The following NRK variants were observed in gnomAD, a reference collection of about 807,000 sequenced individuals.
The protein encoded by NRK is Nik related kinase.
Under a neutral mutation model 125.2 loss-of-function variants are expected in NRK, and 67 were observed. The ratio of observed to expected loss-of-function variants is 0.54; its 90% CI spans 0.44 to 0.66. The LOEUF is 0.66. NRK is among the 30% of genes least tolerant of loss of function. The pLI is 0.00. For missense variants in NRK, 1,224 were observed against 1,192.9 expected (o/e 1.03, Z -0.38); for synonymous variants, 458 against 429.0 (o/e 1.07, Z -0.84).
intron 7 of NRK, 29 bp from the exon 8 acceptor site, chrX:105,898,555 T>C (rs1214302495): frequency 4.3e-6 from 5 of 1,175,122 alleles, no homozygotes; most frequent in Non-Finnish European, 5.7e-6. Flanking sequence ...TCCTGATTGA[T>C]TATTTTGACA....
chrX:105,886,540 G>A (rs1047355560), intron 4 of NRK, among the ~76,000 whole-genome samples: 58 of 102,895 alleles, frequency 5.6e-4, no homozygotes, highest in Non-Finnish European at 1.1e-3. Flanking sequence ...GTGTGTATGT[G>A]TGTGTGTGTG....
chrX:105,851,790 A>G (rs962254711), intron 2 of NRK, among the ~76,000 whole-genome samples: 4 of 111,183 alleles, frequency 3.6e-5, no homozygotes, highest in African/African-American at 3.3e-5. Context: ...CACTTCTGCC[A>G]GAGGTTATCC....
intron 28 of NRK, among the ~76,000 whole-genome samples, 170 bp from the exon 29 acceptor site, chrX:105,955,335 A>C (rs2040961558): frequency 8.9e-6 from 1 of 112,336 alleles, no homozygotes; most frequent in Admixed American, 9.5e-5. Context: ...TGTATAAATT[A>C]GACTTCAAAC....
chrX:105,863,871 G>A (rs2039635345), intron 2 of NRK, among the ~76,000 whole-genome samples: 1 of 111,909 alleles, frequency 8.9e-6, no homozygotes, highest in Non-Finnish European at 1.9e-5. Context: ...TATAAGCAAG[G>A]CTTATGCCAA....
chrX:105,928,517 A>G (rs1409351670), intron 19 of NRK, among the ~76,000 whole-genome samples: 1 of 109,310 alleles, frequency 9.1e-6, no homozygotes, highest in East Asian at 2.9e-4. Flanking sequence ...TTATCTCTTT[A>G]TTTCTATTAA....
chrX:105,921,305 G>T (rs1268231828), intron 16 of NRK, among the ~76,000 whole-genome samples: 1 of 99,942 alleles, frequency 1.0e-5, no homozygotes, highest in Non-Finnish European at 2.0e-5. Flanking sequence ...CACAGGAAGG[G>T]GAATATCACA....
chrX:105,896,811 C>T lies in NRK; in HGVS notation c.580+1288C>T, dbSNP rs768812660. Among the ~76,000 whole-genome samples, 228 of 111,848 alleles carry T rather than the reference C, an allele frequency of 2.0e-3. 1 individual carries two copies. In the Middle Eastern group the frequency reaches 0.027, roughly 13 times the overall value. ...TAAACTATGATTGTGCCACTGCACT[C>T]TAGCCTGGGTGGCAGAGAGATACCT... On this transcript the variant is annotated intron_variant, in intron 7 of 28. Coordinates refer to ENST00000243300, the MANE Select transcript of NRK (RefSeq NM_198465.4).
intron 12 of NRK, 136 bp from the exon 13 acceptor site, chrX:105,908,591 T>A: frequency 1.2e-6 from 1 of 817,626 alleles, no homozygotes; most frequent in Admixed American, 4.0e-5. Context: ...ATCAAGGGAA[T>A]GATTTCAGAA....
At chrX:105,861,736 A>G (rs917090751) in intron 2 of NRK, among the ~76,000 whole-genome samples, 2 of 112,246 alleles carry the variant, frequency 1.8e-5, no homozygotes, top group Middle Eastern at 4.6e-3. Flanking sequence ...TAATATTGTT[A>G]ATTGTGCTTA....
intron 2 of NRK, among the ~76,000 whole-genome samples, chrX:105,866,927 C>T (rs2039679864): frequency 9.1e-6 from 1 of 109,570 alleles, no homozygotes; most frequent in African/African-American, 3.3e-5. Flanking sequence ...TCTTTGGTAG[C>T]CCTAGATTTT....
intron 14 of NRK, among the ~76,000 whole-genome samples, chrX:105,913,449 T>G (rs1354992468): frequency 8.9e-6 from 1 of 112,163 alleles, no homozygotes; most frequent in Non-Finnish European, 1.9e-5. Context: ...TTTACATGTT[T>G]CATTATACAA....
Position 105,898,521 on chromosome X carries a change from G to A in NRK, c.581-63G>A, listed in dbSNP as rs752275776. 70 of 1,044,853 alleles carry A rather than the reference G, an allele frequency of 6.7e-5. No homozygotes were observed. In the African/African-American group the frequency reaches 1.3e-3, roughly 20 times the overall value. The allele number at this position is 1,044,853 out of a possible 1,213,427, so 86.1% of individuals were successfully genotyped here. A position where few individuals can be genotyped will look rare whatever the true frequency, so the allele number is the denominator to read the frequency against. ...TTTTGTATCAGCTTTCCAAGTTAAA[G>A]CAATAACTTATTAAGCTTTTTTCTC... On this transcript the variant is annotated intron_variant, in intron 7 of 28. Transcript: ENST00000243300.
intron 18 of NRK, 147 bp from the exon 19 acceptor site, chrX:105,924,548 A>G: frequency 1.3e-5 from 6 of 476,148 alleles, no homozygotes; most frequent in Non-Finnish European, 1.8e-5. Context: ...TATGTTCTTT[A>G]TCATACCAGT....
At chrX:105,930,951 A>G (rs768780828) in intron 19 of NRK, among the ~76,000 whole-genome samples, 2 of 112,132 alleles carry the variant, frequency 1.8e-5, no homozygotes, top group East Asian at 2.8e-4. Context: ...AAAAGTGCAC[A>G]TGCGGTGGGT....
At chrX:105,857,000 G>T (rs1046079846) in intron 2 of NRK, among the ~76,000 whole-genome samples, 25 of 111,078 alleles carry the variant, frequency 2.3e-4, no homozygotes, top group African/African-American at 7.5e-4. Flanking sequence ...GAGGTTCCTA[G>T]AACCTGTTAC....
intron 23 of NRK, among the ~76,000 whole-genome samples, chrX:105,941,765 T>C (rs1295382481): frequency 1.8e-5 from 2 of 111,602 alleles, no homozygotes; most frequent in African/African-American, 3.3e-5. Flanking sequence ...ATTGAAATAA[T>C]GTACATACCA....
At chrX:105,914,554 G>T (rs748344618) in intron 14 of NRK, among the ~76,000 whole-genome samples, 1 of 109,724 alleles carries the variant, frequency 9.1e-6, no homozygotes, top group Non-Finnish European at 1.9e-5. Flanking sequence ...ATTTTTGGCC[G>T]TTACCTATTT....
At chrX:105,938,360 G>GT (rs937238586) in intron 22 of NRK, among the ~76,000 whole-genome samples, 1 of 111,822 alleles carries the variant, frequency 8.9e-6, no homozygotes, top group African/African-American at 3.2e-5. Flanking sequence ...AAATTGCCAT[G>GT]TTGCACACTA....
chrX:105,936,435 A>C (rs12686868), intron 21 of NRK, among the ~76,000 whole-genome samples: 4 of 111,955 alleles, frequency 3.6e-5, no homozygotes, highest in African/African-American at 6.5e-5. Context: ...AAAATTGGCT[A>C]TACTTCTTCC....
Sources: gnomAD v4.1 joint callset for allele counts (sites outside exome capture counted in the v4.1 genomes callset) on GRCh38, gnomAD v4.1.1 for gene constraint, MANE v1.5 for transcripts, NCBI Gene and HGNC (gene_info 2026-07-23, HGNC 2026-07-21) for gene names.